Variants in LIN28B observed in about 807,000 individuals in gnomAD.
LIN28B encodes protein lin-28 homolog B.
Under a neutral mutation model 21.9 loss-of-function variants are expected in LIN28B, and 5 were observed. The observed-to-expected ratio is 0.23, with a 90% CI of 0.12 to 0.48. The LOEUF (loss-of-function observed/expected upper bound fraction) is 0.48, where lower values mean the gene tolerates loss of function less well. LIN28B is among the 20% of genes least tolerant of loss of function. LIN28B has a pLI of 0.98. For missense variants in LIN28B, 245 were observed against 310.5 expected, an observed-to-expected ratio of 0.79 and a Z score of 1.58; for synonymous variants, 109 against 111.3, an observed-to-expected ratio of 0.98 and a Z score of 0.13.
chr6:104,979,697 T>TTAAAATTAATCAA (rs1457225072), intron 2 of LIN28B, among the ~76,000 whole-genome samples: 1 of 152,144 alleles, frequency 6.6e-6, no homozygotes, highest in Non-Finnish European at 1.5e-5. Context: ...AATTATGAGT[T>TTAAAATTAATCAA]TAAAATTAAT....
At position 105,078,498 on chromosome 6, in the gene LIN28B, C is replaced by A; in HGVS notation, c.468C>A (p.Ser156Arg). 1 of 1,614,094 alleles carries A rather than the reference C, an allele frequency of 6.2e-7. No homozygotes were observed. The highest frequency in any genetic ancestry group is 8.5e-7 in the Non-Finnish European group (1 of 1,179,966). The part of the protein sequence containing the change: ...PQPKKCHYCQ[S>R]IMHMVANCPH... ...CAAAGAAGTGCCATTACTGTCAGAG[C>A]ATCATGCACATGGTGGCAAACTGCC... The change falls in exon 4 of 4, where the codon AGC becomes AGA. Residue 156 changes from serine to arginine, a missense_variant. Transcript: ENST00000345080.
chr6:105,058,133 C>T, intron 3 of LIN28B: 2 of 381,890 alleles, frequency 5.2e-6, no homozygotes, highest in South Asian at 3.9e-5. Flanking sequence ...TTTATTTTAT[C>T]ATGTTCCTAG....
At chr6:105,060,985 A>C (rs1444163059) in intron 3 of LIN28B, among the ~76,000 whole-genome samples, 1 of 151,962 alleles carries the variant, frequency 6.6e-6, no homozygotes, top group Non-Finnish European at 1.5e-5. Flanking sequence ...CTAGAAAGGT[A>C]CTGAGAACAA....
intron 3 of LIN28B, among the ~76,000 whole-genome samples, chr6:105,069,490 C>G (rs1011180630): frequency 2.0e-5 from 3 of 151,820 alleles, no homozygotes; most frequent in African/African-American, 7.3e-5. Context: ...TTTGGAGAAC[C>G]AAGGTGGGAG....
rs537069687 is a variant in LIN28B, at chr6:104,942,970, G to A, written c.18+5854G>A. Among the ~76,000 whole-genome samples the A allele has an allele frequency of 3.3e-5, 5 of 152,170 alleles. No individual in the cohort carries two copies. The East Asian group carries it at 9.6e-4, about 29-fold the overall frequency. On this transcript the variant is annotated intron_variant, in intron 2 of 5. Transcript: ENST00000635857. ...TCATTAATCCTTGTCAGACTGTATG[G>A]TGTCTTACTATGTATGTTCTCTGCT... is the stretch of plus-strand genomic sequence containing the variant.
rs1772543929 is a variant in LIN28B at position 105,081,642 on chromosome 6, TA to T, written c.*2860del. The T allele has an allele frequency of 6.6e-6, 1 of 152,308 alleles. No homozygotes were observed. The highest frequency in any genetic ancestry group is 2.4e-5 in the African/African-American group (1 of 41,472). 9.4% of individuals were successfully genotyped at this position (152,308 alleles called of 1,614,324 possible). ...CATTTCCTTAAAATAATCATGTATT[TA>T]GTTTAAAGAATTATGGGCACTGTTC... On this transcript the variant is annotated 3_prime_UTR_variant, in exon 4 of 4. Coordinates refer to ENST00000345080, the MANE Select transcript of LIN28B (RefSeq NM_001004317.4).
intron 3 of LIN28B, among the ~76,000 whole-genome samples, chr6:105,032,707 A>G (rs1165692737): frequency 1.3e-5 from 2 of 152,032 alleles, no homozygotes; most frequent in Admixed American, 6.6e-5. Flanking sequence ...GGGTGACAGC[A>G]AGACCCTGCC....
intron 3 of LIN28B, among the ~76,000 whole-genome samples, chr6:105,066,257 C>G (rs1772216972): frequency 6.6e-6 from 1 of 152,162 alleles, no homozygotes; most frequent in Admixed American, 6.5e-5. Context: ...AGCCATACAC[C>G]AATAGAGAGG....
chr6:104,951,842 T>G (rs950646662), intron 3 of LIN28B, among the ~76,000 whole-genome samples: 1 of 152,126 alleles, frequency 6.6e-6, no homozygotes, highest in African/African-American at 2.4e-5. Context: ...GGCCACAGAT[T>G]GGTAAATAGG....
chr6:104,985,160 C>A (rs1770309243), intron 2 of LIN28B, among the ~76,000 whole-genome samples: 1 of 152,224 alleles, frequency 6.6e-6, no homozygotes, highest in South Asian at 2.1e-4. Flanking sequence ...CTTCCAGGTT[C>A]TCAGGCTGGA....
At chr6:104,999,153 T>TTTTA (rs969112187) in intron 2 of LIN28B, among the ~76,000 whole-genome samples, 5 of 152,234 alleles carry the variant, frequency 3.3e-5, no homozygotes, top group African/African-American at 9.6e-5. Context: ...AATGTTATTA[T>TTTTA]TTTATTTATT....
chr6:104,953,660 C>CA (rs757160191), upstream of LIN28B, among the ~76,000 whole-genome samples: 2 of 152,156 alleles, frequency 1.3e-5, no homozygotes, highest in Non-Finnish European at 2.9e-5. Context: ...GAGGAAGCTG[C>CA]AGAGGCAGGA....
At chr6:105,021,531 T>C (rs763366001) in intron 2 of LIN28B, among the ~76,000 whole-genome samples, 21 of 152,202 alleles carry the variant, frequency 1.4e-4, no homozygotes, top group Non-Finnish European at 2.2e-4. Context: ...CTAACATCTT[T>C]TTAATAATAG....
At chr6:105,065,621 T>G (rs762981628) in intron 3 of LIN28B, among the ~76,000 whole-genome samples, 1 of 152,234 alleles carries the variant, frequency 6.6e-6, no homozygotes, top group Non-Finnish European at 1.5e-5. Flanking sequence ...AAGCCTTTCC[T>G]TTCTGACTTG....
intron 2 of LIN28B, among the ~76,000 whole-genome samples, chr6:104,962,319 A>G (rs1323552882): frequency 1.3e-5 from 2 of 152,044 alleles, no homozygotes; most frequent in African/African-American, 2.4e-5. Flanking sequence ...ATTACTCAGT[A>G]GGCCTAAATA....
chr6:105,035,756 T>A (rs1273983592), intron 3 of LIN28B, among the ~76,000 whole-genome samples: 1 of 152,218 alleles, frequency 6.6e-6, no homozygotes, highest in African/African-American at 2.4e-5. Flanking sequence ...TCAGGAAATG[T>A]AAAAATAGTT....
At chr6:105,046,142 A>T (rs1771755340) in intron 3 of LIN28B, among the ~76,000 whole-genome samples, 1 of 152,102 alleles carries the variant, frequency 6.6e-6, no homozygotes, top group African/African-American at 2.4e-5. Flanking sequence ...CATTAGGTAT[A>T]TCTCCTAATG....
At chr6:104,999,460 T>C (rs1447100707) in intron 2 of LIN28B, among the ~76,000 whole-genome samples, 2 of 152,166 alleles carry the variant, frequency 1.3e-5, no homozygotes, top group Admixed American at 1.3e-4. Context: ...TAATACCTAA[T>C]ACTAGCAAGG....
intron 2 of LIN28B, among the ~76,000 whole-genome samples, chr6:105,022,723 T>C (rs1461787540): frequency 6.6e-6 from 1 of 152,180 alleles, no homozygotes; most frequent in Non-Finnish European, 1.5e-5. Context: ...GTTCTGGTTC[T>C]GTAACCTACC....
Sources: gnomAD v4.1 joint callset for allele counts (sites outside exome capture counted in the v4.1 genomes callset) on GRCh38, gnomAD v4.1.1 for gene constraint, MANE v1.5 for transcripts, NCBI Gene and HGNC (gene_info 2026-07-23, HGNC 2026-07-21) for gene names.